Variants in LRP1B observed in about 807,000 individuals in gnomAD.
LRP1B encodes low-density lipoprotein receptor-related protein 1B.
Under a neutral mutation model 556.6 loss-of-function variants are expected in LRP1B, and 217 were observed. The observed-to-expected ratio is 0.39, with a 90% CI of 0.35 to 0.44. The LOEUF is 0.44. LRP1B is among the 20% of genes least tolerant of loss of function. LRP1B has a pLI of 1.00. For missense variants in LRP1B, 5,053 were observed against 5,620.8 expected, an observed-to-expected ratio of 0.90 and a Z score of 3.23; for synonymous variants, 2,047 against 1,865.8, an observed-to-expected ratio of 1.10 and a Z score of -2.50.
At chr2:140,277,892 G>T (rs943526461) in intron 84 of LRP1B, among the ~76,000 whole-genome samples, 1 of 151,786 alleles carries the variant, frequency 6.6e-6, no homozygotes, top group South Asian at 2.1e-4. Flanking sequence ...ATACCCAAAA[G>T]AAAAGCATGC....
At chr2:140,789,765 G>A (rs2104983075) in intron 32 of LRP1B, among the ~76,000 whole-genome samples, 1 of 149,362 alleles carries the variant, frequency 6.7e-6, no homozygotes, top group East Asian at 2.0e-4. Context: ...CAAGTAGCTG[G>A]GACTACAGGC....
At chr2:141,573,222 A>G (rs553204662) in intron 2 of LRP1B, among the ~76,000 whole-genome samples, 10 of 152,322 alleles carry the variant, frequency 6.6e-5, no homozygotes, top group African/African-American at 2.4e-4. Context: ...AGCAAATGCA[A>G]AATAACTGAA....
chr2:140,731,033 C>A (rs1574291845), intron 35 of LRP1B, among the ~76,000 whole-genome samples: 1 of 152,164 alleles, frequency 6.6e-6, no homozygotes, highest in East Asian at 1.9e-4. Flanking sequence ...CGCAACATGT[C>A]ATTTCTCATC....
At chr2:140,318,447 A>C (rs1220073920) in intron 82 of LRP1B, among the ~76,000 whole-genome samples, 1 of 152,154 alleles carries the variant, frequency 6.6e-6, no homozygotes, top group East Asian at 1.9e-4. Flanking sequence ...TGTGCATGTA[A>C]ATAAGCAAGA....
At chr2:141,916,172 C>A (rs1218230857) in intron 1 of LRP1B, among the ~76,000 whole-genome samples, 1 of 152,090 alleles carries the variant, frequency 6.6e-6, no homozygotes, top group East Asian at 1.9e-4. Flanking sequence ...TAGAATCAAT[C>A]TGGGTGCTGA....
At position 140,325,545 on chromosome 2, in the gene LRP1B, T is replaced by C. The variant is rs1309229982; in HGVS notation, c.12340+217A>G. Among the ~76,000 whole-genome samples, 6 of 152,280 alleles carry C rather than the reference T, an allele frequency of 3.9e-5. No individual in the cohort carries two copies. In the East Asian group the frequency reaches 9.7e-4, roughly 25 times the overall value. On this transcript the variant is annotated intron_variant, in intron 80 of 90. Coordinates refer to ENST00000389484, the MANE Select transcript of LRP1B (RefSeq NM_018557.3). ...TTCTGAATCTGGGCAGCAATGGCCA[T>C]GTTTGTTCAAGTCAAGATGGACAAA... is the stretch of plus-strand genomic sequence containing the variant.
chr2:140,930,047 T>C (rs1427295913), intron 20 of LRP1B, among the ~76,000 whole-genome samples: 2 of 152,078 alleles, frequency 1.3e-5, no homozygotes, highest in African/African-American at 2.4e-5. Flanking sequence ...GAACCTATGA[T>C]GACCATTCCA....
intron 79 of LRP1B, among the ~76,000 whole-genome samples, chr2:140,326,547 T>A (rs1386140389): frequency 6.6e-6 from 1 of 151,978 alleles, no homozygotes; most frequent in East Asian, 1.9e-4. Context: ...AAACCCTGTC[T>A]CTACTAAAAA....
chr2:140,602,715 G>T (rs1484291263), intron 41 of LRP1B, among the ~76,000 whole-genome samples: 3 of 137,934 alleles, frequency 2.2e-5, no homozygotes, highest in South Asian at 2.4e-4. Flanking sequence ...AATAATTAAA[G>T]TTTTTGAACA....
chr2:141,494,839 AACACAC>A (rs57553238), intron 2 of LRP1B, among the ~76,000 whole-genome samples: 47 of 148,132 alleles, frequency 3.2e-4, no homozygotes, highest in African/African-American at 1.1e-3. Flanking sequence ...CACACACACA[AACACAC>A]ACACACACAG....
chr2:141,969,923 T>TC (rs1363788252), intron 1 of LRP1B, among the ~76,000 whole-genome samples: 1 of 151,584 alleles, frequency 6.6e-6, no homozygotes, highest in Non-Finnish European at 1.5e-5. Context: ...TCTTTTTTTT[T>TC]CCACACTCTT....
intron 77 of LRP1B, among the ~76,000 whole-genome samples, chr2:140,338,034 C>T (rs557902637): frequency 4.6e-5 from 7 of 151,154 alleles, no homozygotes; most frequent in South Asian, 4.2e-4. Flanking sequence ...ATTTAGGTCA[C>T]ATTTCTAGGG....
At chr2:140,282,168 C>A (rs901046159) in intron 84 of LRP1B, among the ~76,000 whole-genome samples, 26 of 151,912 alleles carry the variant, frequency 1.7e-4, no homozygotes, top group Admixed American at 7.2e-4. Flanking sequence ...GTCATGATTC[C>A]TTCCTCACCC....
chr2:141,510,213 C>CACACAT (rs1553524093), intron 2 of LRP1B, among the ~76,000 whole-genome samples: 1 of 150,646 alleles, frequency 6.6e-6, no homozygotes, highest in African/African-American at 2.4e-5. Context: ...CACACACACA[C>CACACAT]ACACACACAC....
Position 141,879,561 on chromosome 2 carries a change from T to G in LRP1B, c.83-69160A>C, listed in dbSNP as rs768873821. Among the ~76,000 whole-genome samples, 67 of 152,040 alleles carry G rather than the reference T, an allele frequency of 4.4e-4. No homozygotes were observed. In the Middle Eastern group the frequency reaches 0.017, roughly 39 times the overall value. On this transcript the variant is annotated intron_variant, in intron 1 of 90. Transcript: ENST00000389484. ...TGCTCTTCTATCCAGGGTTTTTTTTTGTCACAGAAACTTTCAATAGATATA... is the reference window on the plus strand; with the variant it reads ...TGCTCTTCTATCCAGGGTTTTTTTTGGTCACAGAAACTTTCAATAGATATA...
At chr2:141,394,810 A>T (rs1690181140) in intron 3 of LRP1B, among the ~76,000 whole-genome samples, 1 of 152,128 alleles carries the variant, frequency 6.6e-6, no homozygotes. Context: ...AGTGTTTTAG[A>T]ATAATAGCAT....
intron 3 of LRP1B, among the ~76,000 whole-genome samples, chr2:141,434,772 A>G (rs1680694533): frequency 6.6e-6 from 1 of 152,010 alleles, no homozygotes; most frequent in African/African-American, 2.4e-5. Context: ...TTGCTTGTTA[A>G]TCAGTTTGTT....
At chr2:141,629,340 C>T (rs146720979) in intron 2 of LRP1B, among the ~76,000 whole-genome samples, 1 of 152,226 alleles carries the variant, frequency 6.6e-6, no homozygotes, top group African/African-American at 2.4e-5. Context: ...CCTGTTTAAA[C>T]ATTGCTTTTT....
At chr2:140,966,985 C>T (rs1262011561) in intron 18 of LRP1B, among the ~76,000 whole-genome samples, 2 of 152,078 alleles carry the variant, frequency 1.3e-5, no homozygotes, top group Non-Finnish European at 2.9e-5. Flanking sequence ...GTGATGCCTC[C>T]AGCTTTGTTC....
Sources: gnomAD v4.1 joint callset for allele counts (sites outside exome capture counted in the v4.1 genomes callset) on GRCh38, gnomAD v4.1.1 for gene constraint, MANE v1.5 for transcripts, NCBI Gene and HGNC (gene_info 2026-07-23, HGNC 2026-07-21) for gene names.